The following NUBPL variants were observed in gnomAD, a reference collection of about 807,000 sequenced individuals.
NUBPL encodes the protein NUBP iron-sulfur cluster assembly factor, mitochondrial.
NUBPL carries 31 observed loss-of-function variants against 45.7 expected under a neutral mutation model. That is an observed-to-expected ratio of 0.68 (90% CI 0.51 to 0.92). The LOEUF (loss-of-function observed/expected upper bound fraction) is 0.92, where lower values mean the gene tolerates loss of function less well. Among genes scored for constraint, NUBPL ranks in the 40% least tolerant of loss-of-function variants. NUBPL has a pLI of 0.00. For missense variants in NUBPL, 401 were observed against 398.7 expected (o/e 1.01, Z -0.05); for synonymous variants, 144 against 140.9 (o/e 1.02, Z -0.15).
chr14:31,649,235 C>T (rs2035937896), intron 4 of NUBPL, among the ~76,000 whole-genome samples: 1 of 152,152 alleles, frequency 6.6e-6, no homozygotes, highest in Admixed American at 6.5e-5. Context: ...ATTTATTCCA[C>T]TTATTAGTTT....
chr14:31,811,740 C>G (rs1417724225), intron 7 of NUBPL, among the ~76,000 whole-genome samples: 3 of 152,150 alleles, frequency 2.0e-5, no homozygotes, highest in Non-Finnish European at 2.9e-5. Context: ...TCTGGTTTCT[C>G]TCCATCTTTG....
At chr14:31,659,234 T>G (rs556782325) in intron 4 of NUBPL, among the ~76,000 whole-genome samples, 22 of 152,298 alleles carry the variant, frequency 1.4e-4, no homozygotes, top group African/African-American at 5.0e-4. Context: ...CTGGTTTTTG[T>G]TTTTTGGACT....
chr14:31,586,481 C>G (rs1302724092), intron 3 of NUBPL, among the ~76,000 whole-genome samples: 1 of 152,172 alleles, frequency 6.6e-6, no homozygotes, highest in Non-Finnish European at 1.5e-5. Flanking sequence ...ATGAGAACTA[C>G]AGAAAGTAGC....
At chr14:31,568,032 A>T (rs887229174) in intron 3 of NUBPL, among the ~76,000 whole-genome samples, 1 of 152,134 alleles carries the variant, frequency 6.6e-6, no homozygotes, top group Non-Finnish European at 1.5e-5. Flanking sequence ...TTGTCATTTC[A>T]ATGGAATTTG....
In NUBPL at chr14:31,746,331, T is replaced by C. The variant is rs1276699386; in HGVS notation, c.514-41449T>C. On this transcript the variant is annotated intron_variant, in intron 6 of 10. Coordinates refer to ENST00000281081, the MANE Select transcript of NUBPL (RefSeq NM_025152.3). ...TAAGATGTTAGCTGTGGTTTTGTCA[T>C]TTATTGCCTTTATCGTGTTTAGATA... Among the ~76,000 whole-genome samples the C allele has an allele frequency of 1.3e-5, 2 of 152,054 alleles. 1 individual carries two copies. The highest frequency in any genetic ancestry group is 4.8e-5 in the African/African-American group (2 of 41,284).
chr14:31,743,121 T>G (rs927142649), intron 6 of NUBPL, among the ~76,000 whole-genome samples: 1 of 152,114 alleles, frequency 6.6e-6, no homozygotes, highest in African/African-American at 2.4e-5. Context: ...CTGACATCAT[T>G]ATTTTACCTG....
In NUBPL at chr14:31,695,623, G is replaced by A. The variant is rs1355762417; in HGVS notation, c.513+22049G>A. Among the ~76,000 whole-genome samples the A allele has an allele frequency of 3.3e-5, 5 of 152,154 alleles. No homozygotes were observed. The East Asian group carries it at 9.6e-4, about 29-fold the overall frequency. ...TATTACAAGAGTGTATTGTTGTATA[G>A]TGAGCCTGGCCGCTTGTGCTTTCTC... On this transcript the variant is annotated intron_variant, in intron 6 of 10. Transcript: ENST00000281081.
chr14:31,816,266 G>A (rs1363171094), intron 7 of NUBPL, among the ~76,000 whole-genome samples: 2 of 152,020 alleles, frequency 1.3e-5, no homozygotes, highest in East Asian at 3.9e-4. Context: ...TTGGAGGGTG[G>A]ATGTGTCCTG....
At chr14:31,834,887 G>A (rs2138994388) in intron 8 of NUBPL, among the ~76,000 whole-genome samples, 1 of 152,312 alleles carries the variant, frequency 6.6e-6, no homozygotes, top group East Asian at 1.9e-4. Flanking sequence ...CTTAACTGCA[G>A]TTTCTGTGGA....
At chr14:31,681,439 T>C (rs984475672) in intron 6 of NUBPL, among the ~76,000 whole-genome samples, 1 of 151,534 alleles carries the variant, frequency 6.6e-6, no homozygotes, top group African/African-American at 2.4e-5. Flanking sequence ...TCTTTTATTC[T>C]TGATTGTTCT....
intron 6 of NUBPL, among the ~76,000 whole-genome samples, chr14:31,759,427 A>G (rs1395351167): frequency 6.6e-6 from 1 of 152,010 alleles, no homozygotes; most frequent in Non-Finnish European, 1.5e-5. Flanking sequence ...TTAATTTTGA[A>G]ATTATTTTTA....
chr14:31,643,141 T>G (rs776970555), intron 4 of NUBPL, among the ~76,000 whole-genome samples: 2 of 152,174 alleles, frequency 1.3e-5, no homozygotes, highest in Non-Finnish European at 2.9e-5. Flanking sequence ...TTGTATATGC[T>G]TTATCTCTTT....
At chr14:31,752,899 G>T (rs1362923295) in intron 6 of NUBPL, among the ~76,000 whole-genome samples, 1 of 152,186 alleles carries the variant, frequency 6.6e-6, no homozygotes, top group Non-Finnish European at 1.5e-5. Flanking sequence ...TGGAAGCAGG[G>T]ACTTTCTTCA....
chr14:31,593,297 A>G (rs1595336951), intron 3 of NUBPL, among the ~76,000 whole-genome samples: 1 of 151,992 alleles, frequency 6.6e-6, no homozygotes, highest in Non-Finnish European at 1.5e-5. Flanking sequence ...GCGGATCACG[A>G]GGTCAGGAGA....
chr14:31,689,511 GT>G (rs1034419744), intron 6 of NUBPL, among the ~76,000 whole-genome samples: 4 of 151,234 alleles, frequency 2.6e-5, no homozygotes, highest in Admixed American at 6.6e-5. Flanking sequence ...TTTTAATGGA[GT>G]TTTTTTTTCT....
At chr14:31,600,835 A>G (rs1313723953) in intron 4 of NUBPL, among the ~76,000 whole-genome samples, 1 of 151,360 alleles carries the variant, frequency 6.6e-6, no homozygotes, top group Non-Finnish European at 1.5e-5. Context: ...GCCCATGCCT[A>G]TGTCCTGAAT....
intron 6 of NUBPL, among the ~76,000 whole-genome samples, chr14:31,749,954 A>T (rs2038485354): frequency 6.6e-6 from 1 of 152,044 alleles, no homozygotes; most frequent in African/African-American, 2.4e-5. Flanking sequence ...TCAAGTTCAG[A>T]AATTCTTTCT....
intron 4 of NUBPL, among the ~76,000 whole-genome samples, chr14:31,673,134 G>A (rs949686910): frequency 1.3e-5 from 2 of 152,166 alleles, no homozygotes; most frequent in African/African-American, 4.8e-5. Flanking sequence ...AAGAATATGT[G>A]AGGTGATGTG....
intron 7 of NUBPL, among the ~76,000 whole-genome samples, chr14:31,816,753 G>T (rs1484252018): frequency 1.3e-5 from 2 of 152,034 alleles, no homozygotes; most frequent in Non-Finnish European, 2.9e-5. Flanking sequence ...TGGTTTTAAA[G>T]AACTTCTTTA....
Sources: gnomAD v4.1 joint callset for allele counts (sites outside exome capture counted in the v4.1 genomes callset) on GRCh38, gnomAD v4.1.1 for gene constraint, MANE v1.5 for transcripts, NCBI Gene and HGNC (gene_info 2026-07-23, HGNC 2026-07-21) for gene names.